The following ECE1 variants were observed in gnomAD, a reference collection of about 807,000 sequenced individuals.
ECE1 encodes the protein endothelin converting enzyme 1, also known as endothelin-converting enzyme 1.
A neutral mutation model predicts 98.6 loss-of-function variants in ECE1; 35 were observed. The ratio of observed to expected loss-of-function variants is 0.35; its 90% CI spans 0.27 to 0.47. The LOEUF (loss-of-function observed/expected upper bound fraction) is 0.47, where lower values mean the gene tolerates loss of function less well. ECE1 is among the 20% of genes least tolerant of loss of function. The pLI, the probability that ECE1 is intolerant of heterozygous loss-of-function variation, is 1.00. For synonymous variants in ECE1, 394 were observed against 407.1 expected (o/e 0.97, Z 0.39); for missense variants, 814 against 1,025.3 (o/e 0.79, Z 2.81).
At chr1:21,273,596 T>C (rs1374888993) in intron 3 of ECE1, among the ~76,000 whole-genome samples, 4 of 151,934 alleles carry the variant, frequency 2.6e-5, no homozygotes, top group African/African-American at 9.7e-5. Flanking sequence ...CTATTAGAAA[T>C]AGAAGGAGGA....
chr1:21,273,688 T>A (rs750473852), intron 3 of ECE1, among the ~76,000 whole-genome samples: 16 of 152,080 alleles, frequency 1.1e-4, no homozygotes, highest in Non-Finnish European at 1.5e-4. Context: ...CTACGCCAGG[T>A]GCCGTGGCTC....
intron 11 of ECE1, among the ~76,000 whole-genome samples, chr1:21,237,266 A>C (rs2098189514): frequency 6.6e-6 from 1 of 152,110 alleles, no homozygotes; most frequent in South Asian, 2.1e-4. Context: ...TCATGTTCCG[A>C]GGAGCAGCTT....
Position 21,220,168 on chromosome 1 carries a change from T to G in ECE1, c.2137-37A>C. ...CAACAGGGAGAGGCCAGGGTCACTGTGGGGCCCTCGGGCTGCCAGACTGCC... is the reference window on the plus strand; with the variant it reads ...CAACAGGGAGAGGCCAGGGTCACTGGGGGGCCCTCGGGCTGCCAGACTGCC... On this transcript the variant is annotated intron_variant, in intron 18 of 18. Coordinates refer to ENST00000374893, the MANE Select transcript of ECE1 (RefSeq NM_001397.3). This position sits in a 1 kb window ranked among gnomAD's most constrained non-coding sequence, Gnocchi z 5.0. 1.3e-6 allele frequency: 2 copies of G among 1,585,330 alleles called. No homozygotes were observed. Among genetic ancestry groups the G allele is most frequent in the Non-Finnish European group, 1.7e-6 (2 of 1,162,730 alleles).
intron 10 of ECE1, among the ~76,000 whole-genome samples, chr1:21,244,033 C>T (rs2098200002): frequency 1.3e-5 from 2 of 152,190 alleles, no homozygotes; most frequent in African/African-American, 4.8e-5. Flanking sequence ...CATTCTCTGC[C>T]AATCCTCATC....
chr1:21,242,954 T>C (rs2098198400), intron 10 of ECE1, among the ~76,000 whole-genome samples: 2 of 152,206 alleles, frequency 1.3e-5, no homozygotes, highest in South Asian at 4.1e-4. Context: ...CTCAGAACTT[T>C]TTTATCTTGC....
intron 1 of ECE1, among the ~76,000 whole-genome samples, chr1:21,318,856 C>G (rs528572853): frequency 6.6e-6 from 1 of 152,156 alleles, no homozygotes; most frequent in Non-Finnish European, 1.5e-5. Context: ...GCACTTCTGT[C>G]GGGGGAGACG....
At chr1:21,318,994 A>G (rs1476600337) in intron 1 of ECE1, among the ~76,000 whole-genome samples, 2 of 152,238 alleles carry the variant, frequency 1.3e-5, no homozygotes, top group African/African-American at 4.8e-5. Context: ...GTGGGTTTTC[A>G]GTGGAGCTGG....
intron 1 of ECE1, among the ~76,000 whole-genome samples, chr1:21,320,563 G>A (rs1308942182): frequency 6.6e-6 from 1 of 152,190 alleles, no homozygotes. Context: ...ACGCCTCGCA[G>A]CAACCCCAGG....
At chr1:21,254,447 G>C (rs976723760) in intron 8 of ECE1, among the ~76,000 whole-genome samples, 3 of 152,028 alleles carry the variant, frequency 2.0e-5, no homozygotes, top group Non-Finnish European at 4.4e-5. Flanking sequence ...CAGCTGTGCA[G>C]CTGGGAGGCA....
chr1:21,285,382 T>A (rs1304911718), intron 2 of ECE1, among the ~76,000 whole-genome samples: 1 of 152,156 alleles, frequency 6.6e-6, no homozygotes, highest in Non-Finnish European at 1.5e-5. Context: ...ATCTCTAAAA[T>A]GAGGAGGCTG....
At chr1:21,227,056 CTA>C in intron 16 of ECE1, 101 bp downstream of exon 16, 1 of 1,150,734 alleles carries the variant, frequency 8.7e-7, no homozygotes, top group Non-Finnish European at 1.3e-6. Context: ...GGAGGTCTTG[CTA>C]TGTTGCCCAG....
chr1:21,274,990 G>A (rs2098244844), intron 3 of ECE1, among the ~76,000 whole-genome samples: 1 of 152,192 alleles, frequency 6.6e-6, no homozygotes, highest in Non-Finnish European at 1.5e-5. Flanking sequence ...ATGGGGCAGG[G>A]AAAGAATTTC....
At chr1:21,311,613 A>G (rs1482720392) in intron 1 of ECE1, among the ~76,000 whole-genome samples, 3 of 151,846 alleles carry the variant, frequency 2.0e-5, no homozygotes, top group South Asian at 2.1e-4. Flanking sequence ...TCAGGAGTTC[A>G]AGATCAGCCT....
intron 1 of ECE1, among the ~76,000 whole-genome samples, chr1:21,317,370 G>A (rs984636058): frequency 5.3e-5 from 8 of 152,166 alleles, no homozygotes; most frequent in African/African-American, 1.9e-4. Flanking sequence ...CATTGTTCCT[G>A]CTGCTGTTGG....
chr1:21,338,552 C>T (rs1363200107), intron 1 of ECE1, among the ~76,000 whole-genome samples: 1 of 152,228 alleles, frequency 6.6e-6, no homozygotes, highest in African/African-American at 2.4e-5. Context: ...TGCACAACTT[C>T]GAGTCTATCC....
At chr1:21,339,449 G>T (rs967989931) in intron 1 of ECE1, among the ~76,000 whole-genome samples, 3 of 152,242 alleles carry the variant, frequency 2.0e-5, no homozygotes, top group African/African-American at 7.2e-5. Context: ...GAATCGGGGA[G>T]CCACTGTCTA....
At chr1:21,250,026 G>A (rs1362417547) in intron 8 of ECE1, among the ~76,000 whole-genome samples, 4 of 150,192 alleles carry the variant, frequency 2.7e-5, no homozygotes, top group East Asian at 2.0e-4. Flanking sequence ...TGATCCACCC[G>A]TCTTGGCCTC....
chr1:21,260,729 T>C lies in ECE1; in HGVS notation c.494-337A>G, dbSNP rs1400981452. Among the ~76,000 whole-genome samples, 1 of 152,218 alleles carries C rather than the reference T, an allele frequency of 6.6e-6. No individual in the cohort carries two copies. The highest frequency in any genetic ancestry group is 1.5e-5 in the Non-Finnish European group (1 of 68,038). On this transcript the variant is annotated intron_variant, in intron 4 of 18. Coordinates refer to ENST00000374893, the MANE Select transcript of ECE1 (RefSeq NM_001397.3). This position sits in a 1 kb window ranked among gnomAD's most constrained non-coding sequence, Gnocchi z 4.3. The stretch of plus-strand genomic sequence containing the variant: ...GTGTTCTTCCCCTGTGGATAACGTG[T>C]GGTACGAACACCCCTGCCTGGTGCA...
At chr1:21,245,383 G>A (rs949658341) in intron 9 of ECE1, among the ~76,000 whole-genome samples, 2 of 151,304 alleles carry the variant, frequency 1.3e-5, no homozygotes, top group Non-Finnish European at 2.9e-5. Flanking sequence ...GCTGCTCTGT[G>A]TCTGGAAGCT....
Sources: allele counts gnomAD v4.1 joint callset (sites outside exome capture counted in the v4.1 genomes callset), GRCh38; gene constraint gnomAD v4.1.1; non-coding constraint Gnocchi (gnomAD v3.1); transcripts MANE v1.5; gene names NCBI Gene and HGNC (gene_info 2026-07-23, HGNC 2026-07-21).